The following EFCAB8 variants were observed in gnomAD, a reference collection of about 807,000 sequenced individuals.
EFCAB8 encodes EF-hand calcium binding domain 8.
In EFCAB8, 100 loss-of-function variants were observed where a neutral mutation model predicts 116.3. That is an observed-to-expected ratio of 0.86 (90% confidence interval 0.73 to 1.02). EFCAB8 has a LOEUF of 1.02. Ranked by LOEUF, EFCAB8 falls within the 50% of genes least tolerant of loss-of-function variation. The pLI, the probability that EFCAB8 is intolerant of heterozygous loss-of-function variation, is 0.00. For missense variants in EFCAB8, 1,320 were observed against 1,416.9 expected, an observed-to-expected ratio of 0.93 and a Z score of 1.10; for synonymous variants, 558 against 567.9, an observed-to-expected ratio of 0.98 and a Z score of 0.25.
rs1273452135 is a variant in EFCAB8, at chr20:32,878,756, G to A, written c.380G>A (p.Arg127Gln). 1.2e-5 allele frequency: 18 copies of A among 1,551,948 alleles called. No individual in the cohort carries two copies. Among genetic ancestry groups the A allele is most frequent in the African/African-American group, 4.1e-5 (3 of 73,044 alleles). Residue 127 changes from arginine (R) to glutamine (Q), a missense_variant, in exon 5 of 27, where the codon CGA (arginine) becomes CAA (glutamine). Arg to Gln is a conservative substitution (Grantham distance 43). Coordinates refer to ENST00000400522, the MANE Select transcript of EFCAB8 (RefSeq NM_001143967.2). ...GAGTTCCAGGGAAAAGAGGACATGC[G>A]AAAGAGCCAGTACCGCCTGCACTTC... ...MREFQGKEDM[R>Q]KSQYRLHFYL... is the part of the protein sequence containing the mutation.
intron 11 of EFCAB8, among the ~76,000 whole-genome samples, chr20:32,903,917 G>A (rs900749134): frequency 1.3e-5 from 2 of 152,192 alleles, no homozygotes; most frequent in Admixed American, 6.5e-5. Context: ...TAGGCCCCCC[G>A]GGAGTGGTGG....
chr20:32,918,293 T>C, intron 18 of EFCAB8, 69 bp from the exon 19 acceptor site: 1 of 1,476,256 alleles, frequency 6.8e-7, no homozygotes, highest in Non-Finnish European at 9.2e-7. Context: ...TTGGCATTGA[T>C]CTGGGGCAGT....
chr20:32,946,844 A>G (rs6058970), intron 23 of EFCAB8, among the ~76,000 whole-genome samples: 24,433 of 152,124 alleles, frequency 0.16, 2,460 homozygotes, highest in Admixed American at 0.25. Flanking sequence ...GTTTGTCTCT[A>G]TAGTTTTGCC....
intron 23 of EFCAB8, among the ~76,000 whole-genome samples, chr20:32,957,736 A>T (rs1265477612): frequency 2.0e-5 from 3 of 151,908 alleles, no homozygotes; most frequent in Non-Finnish European, 4.4e-5. Flanking sequence ...TCTCTAAGCC[A>T]AGTCTGATTC....
At chr20:32,895,313 A>ATTTTTTTTTTT (rs11353110) in intron 9 of EFCAB8, among the ~76,000 whole-genome samples, 1 of 127,732 alleles carries the variant, frequency 7.8e-6, no homozygotes, top group African/African-American at 3.0e-5. Flanking sequence ...TTTATTTAAG[A>ATTTTTTTTTTT]TTTTTTTTTT....
chr20:32,866,100 G>A (rs1984385624), intron 2 of EFCAB8, among the ~76,000 whole-genome samples: 1 of 152,078 alleles, frequency 6.6e-6, no homozygotes, highest in African/African-American at 2.4e-5. Flanking sequence ...CTCCTCTGTT[G>A]GGCTCCGTGG....
Position 32,961,609 on chromosome 20 carries a change from A to G in EFCAB8, c.3867A>G (p.Ter1289TrpextTer67). 7.5e-7 allele frequency: 1 copy of G among 1,325,668 alleles called. No individual in the cohort carries two copies. The highest frequency in any genetic ancestry group is 9.6e-7 in the Non-Finnish European group (1 of 1,037,486). The allele number at this position is 1,325,668 out of a possible 1,614,324, so 82.1% of individuals were successfully genotyped here. ...AGGGGAGCTCCCATGTCAGGTTCTG[A>G]GGTGCTCCGCTGTCTTCTCTAGTCC... ...SVKGSSHVRF[*>W] The change falls in exon 27 of 27, where the codon TGA becomes TGG. Residue 1289 changes from the stop codon to tryptophan, a stop_lost. Transcript: ENST00000400522.
At chr20:32,883,018 A>G (rs1437301676) in intron 5 of EFCAB8, among the ~76,000 whole-genome samples, 2 of 152,064 alleles carry the variant, frequency 1.3e-5, no homozygotes, top group East Asian at 1.9e-4. Context: ...TTTAATAGAG[A>G]CGGGATTTCA....
intron 3 of EFCAB8, among the ~76,000 whole-genome samples, chr20:32,868,785 G>A (rs530389592): frequency 6.6e-6 from 1 of 152,286 alleles, no homozygotes; most frequent in East Asian, 1.9e-4. Flanking sequence ...AGGAGTTCAA[G>A]AGCAGCCTGG....
At chr20:32,866,346 T>C (rs1984399106) in intron 2 of EFCAB8, among the ~76,000 whole-genome samples, 1 of 152,218 alleles carries the variant, frequency 6.6e-6, no homozygotes, top group African/African-American at 2.4e-5. Context: ...TGTGTCTCAG[T>C]GAGCAGGACT....
At chr20:32,958,132 G>T (rs992958104) in intron 23 of EFCAB8, among the ~76,000 whole-genome samples, 4 of 152,060 alleles carry the variant, frequency 2.6e-5, no homozygotes, top group African/African-American at 9.7e-5. Context: ...CCCAACTGAG[G>T]ATCATTCAGT....
At chr20:32,888,185 T>A (rs1362137538) in intron 6 of EFCAB8, among the ~76,000 whole-genome samples, 1 of 151,934 alleles carries the variant, frequency 6.6e-6, no homozygotes, top group Non-Finnish European at 1.5e-5. Context: ...CACCTCAGCC[T>A]CCCAAGTAGC....
intron 22 of EFCAB8, among the ~76,000 whole-genome samples, chr20:32,939,033 C>G (rs1300173199): frequency 7.7e-6 from 1 of 129,064 alleles, no homozygotes; most frequent in Non-Finnish European, 1.7e-5. Flanking sequence ...TCCCTCCCTC[C>G]TTCCTTCCTT....
intron 23 of EFCAB8, among the ~76,000 whole-genome samples, chr20:32,956,276 G>T (rs142917658): frequency 8.6e-4 from 131 of 151,996 alleles, no homozygotes; most frequent in Admixed American, 2.2e-3. Flanking sequence ...CTTCCTATAA[G>T]ACATTGTCAT....
At chr20:32,863,743 C>A (rs751782808) in intron 1 of EFCAB8, 40 bp from the exon 2 acceptor site, 15 of 1,543,150 alleles carry the variant, frequency 9.7e-6, no homozygotes, top group South Asian at 4.8e-5. Flanking sequence ...GTGGTCCTTA[C>A]AACGACTGGA....
intron 17 of EFCAB8, among the ~76,000 whole-genome samples, chr20:32,913,729 A>G (rs1449348176): frequency 1.3e-5 from 2 of 152,212 alleles, no homozygotes; most frequent in African/African-American, 2.4e-5. Flanking sequence ...TGTACTTCCA[A>G]AATAGAATGG....
intron 20 of EFCAB8, among the ~76,000 whole-genome samples, chr20:32,927,145 A>G (rs1987706216): frequency 6.6e-6 from 1 of 152,202 alleles, no homozygotes; most frequent in African/African-American, 2.4e-5. Context: ...TTTATTTAGA[A>G]TGAGAAAAAA....
At chr20:32,872,919 C>G (rs1984757960) in intron 3 of EFCAB8, among the ~76,000 whole-genome samples, 1 of 151,828 alleles carries the variant, frequency 6.6e-6, no homozygotes, top group Admixed American at 6.6e-5. Flanking sequence ...TGGCGAAACC[C>G]TGTCTCTACT....
intron 4 of EFCAB8, among the ~76,000 whole-genome samples, chr20:32,877,519 C>A (rs929681776): frequency 2.6e-5 from 4 of 152,208 alleles, no homozygotes; most frequent in African/African-American, 9.6e-5. Context: ...GTTTTTATTT[C>A]TCTTAATGTT....
Sources: gnomAD v4.1 joint callset for allele counts (sites outside exome capture counted in the v4.1 genomes callset) on GRCh38, gnomAD v4.1.1 for gene constraint, MANE v1.5 for transcripts, NCBI Gene and HGNC (gene_info 2026-07-23, HGNC 2026-07-21) for gene names.